ABLIM3: variants seen among roughly 807,000 people sequenced by gnomAD.
The protein encoded by ABLIM3 is actin binding LIM protein family member 3, also known as actin-binding LIM protein 3.
In ABLIM3, 61 loss-of-function variants were observed where a neutral mutation model predicts 109.5. That is an observed-to-expected ratio of 0.56 (90% CI 0.45 to 0.69). ABLIM3 has a LOEUF of 0.69. Ranked by LOEUF, ABLIM3 falls within the 30% of genes least tolerant of loss-of-function variation. ABLIM3 has a pLI of 0.00. For synonymous variants in ABLIM3, 300 were observed against 324.8 expected, an observed-to-expected ratio of 0.92 and a Z score of 0.82; for missense variants, 796 against 889.5, an observed-to-expected ratio of 0.89 and a Z score of 1.34.
Position 149,198,207 on chromosome 5 carries a change from T to A in ABLIM3, c.152-12T>A. 6.2e-7 allele frequency: 1 copy of A among 1,605,550 alleles called. No individual in the cohort carries two copies. Among genetic ancestry groups the A allele is most frequent in the Non-Finnish European group, 8.5e-7 (1 of 1,175,824 alleles). ...ACTCAACCTGCCCTTGTTTTCCTCC[T>A]TGTTCCCCAAGTATGTGGCTGTGGC... On this transcript the variant is annotated splice_polypyrimidine_tract_variant and intron_variant, in intron 3 of 23. Transcript: ENST00000309868. The surrounding 1 kb of genome is among the most constrained non-coding windows in gnomAD (Gnocchi z 4.2).
chr5:149,159,549 TA>T (rs1239139602), intron 2 of ABLIM3, among the ~76,000 whole-genome samples: 1 of 152,218 alleles, frequency 6.6e-6, no homozygotes, highest in Non-Finnish European at 1.5e-5. Context: ...TGTATCCCCT[TA>T]AACAGAGTAT....
Position 149,210,763 on chromosome 5 carries a change from C to T in ABLIM3, c.613C>T (p.Gln205Ter). 1 of 1,614,098 alleles carries T rather than the reference C, an allele frequency of 6.2e-7. No homozygotes were observed. The highest frequency in any genetic ancestry group is 1.1e-5 in the South Asian group (1 of 91,078). The change falls in exon 7 of 24, where the codon CAG (glutamine) becomes TAG (stop). Residue 205 changes from glutamine to a stop codon, truncating the protein, a stop_gained. Transcript: ENST00000309868. LOFTEE classifies it high-confidence loss of function. Reference sequence around the variant, plus strand: ...ATACTGTGAGTCCGACTACCATGCCCAGTTTGGCATTAAATGTGAGACTTG... The same window carrying T: ...ATACTGTGAGTCCGACTACCATGCCTAGTTTGGCATTAAATGTGAGACTTG... ...VPYCESDYHA[Q>*]FGIKCETCDR... is the part of the protein sequence containing the mutation.
chr5:149,236,130 C>A (rs1164410246), intron 10 of ABLIM3, among the ~76,000 whole-genome samples: 1 of 152,134 alleles, frequency 6.6e-6, no homozygotes, highest in Non-Finnish European at 1.5e-5. Context: ...AGCAAAAGAG[C>A]CTGTGATACA....
At chr5:149,236,673 T>C (rs144962193) in intron 10 of ABLIM3, among the ~76,000 whole-genome samples, 105 of 152,274 alleles carry the variant, frequency 6.9e-4, no homozygotes, top group Middle Eastern at 3.4e-3. Context: ...AGCAGCTTTC[T>C]GAATGCAGCC....
intron 10 of ABLIM3, 134 bp downstream of exon 10, chr5:149,233,434 C>T: frequency 1.1e-6 from 1 of 922,958 alleles, no homozygotes; most frequent in Non-Finnish European, 1.7e-6. Context: ...GTGCTAGGCT[C>T]TGTACCAGGT....
intron 8 of ABLIM3, among the ~76,000 whole-genome samples, chr5:149,225,559 T>C (rs2127537930): frequency 6.6e-6 from 1 of 152,324 alleles, no homozygotes; most frequent in East Asian, 1.9e-4. Context: ...ATGAAGATTT[T>C]TTAAAAAAAT....
chr5:149,165,022 G>A (rs1023094830), intron 2 of ABLIM3, among the ~76,000 whole-genome samples: 14 of 152,134 alleles, frequency 9.2e-5, no homozygotes, highest in Non-Finnish European at 1.9e-4. Flanking sequence ...TTTGTTGGAG[G>A]ACACATTTCA....
chr5:149,237,299 A>G (rs1288636723), intron 10 of ABLIM3, 149 bp from the exon 11 acceptor site: 1 of 817,056 alleles, frequency 1.2e-6, no homozygotes, highest in African/African-American at 1.7e-5. Flanking sequence ...TTATTCTAAC[A>G]TTCTACTATT....
At chr5:149,179,911 G>A (rs1018718649) in intron 2 of ABLIM3, among the ~76,000 whole-genome samples, 1 of 152,312 alleles carries the variant, frequency 6.6e-6, no homozygotes, top group African/African-American at 2.4e-5. Flanking sequence ...ATCTCAGAAC[G>A]TTCTAGTGGA....
At chr5:149,254,089 C>A (rs1235631202) in intron 23 of ABLIM3, among the ~76,000 whole-genome samples, 1 of 152,084 alleles carries the variant, frequency 6.6e-6, no homozygotes, top group South Asian at 2.1e-4. Context: ...GGGAAACTGC[C>A]CCCAAGATTC....
intron 17 of ABLIM3, 122 bp from the exon 18 acceptor site, chr5:149,247,660 G>T: frequency 7.7e-7 from 1 of 1,293,730 alleles, no homozygotes; most frequent in Non-Finnish European, 1.1e-6. Flanking sequence ...AGGGACGCTG[G>T]GAAGGCAAAC....
chr5:149,255,937 C>A (rs909266333), intron 23 of ABLIM3, among the ~76,000 whole-genome samples: 16 of 152,176 alleles, frequency 1.1e-4, no homozygotes, highest in African/African-American at 2.7e-4. Flanking sequence ...ATGGTGGAGA[C>A]ACTAGGATGC....
intron 7 of ABLIM3, among the ~76,000 whole-genome samples, chr5:149,213,796 G>A (rs938585666): frequency 2.0e-5 from 3 of 150,042 alleles, no homozygotes; most frequent in Non-Finnish European, 4.4e-5. Flanking sequence ...GGCTCCATTA[G>A]CATCTTCGAC....
At chr5:149,162,465 A>T (rs551444764) in intron 2 of ABLIM3, among the ~76,000 whole-genome samples, 2 of 152,322 alleles carry the variant, frequency 1.3e-5, no homozygotes, top group Admixed American at 1.3e-4. Flanking sequence ...CAACTAAATG[A>T]TGATCAAAAG....
chr5:149,237,532 G>A lies in ABLIM3; in HGVS notation c.973G>A (p.Asp325Asn), dbSNP rs779374635. The A allele has an allele frequency of 3.0e-5, 48 of 1,614,112 alleles. No individual in the cohort carries two copies. The highest frequency in any genetic ancestry group is 2.5e-4 in the South Asian group (23 of 91,076). The change falls in exon 11 of 24, where the codon GAC (aspartate) becomes AAC (asparagine). Residue 325 changes from aspartate to asparagine, a missense_variant. Coordinates refer to ENST00000309868, the MANE Select transcript of ABLIM3 (RefSeq NM_014945.5). ...GTCTATCTACGAGGTACAACGCCCCGACCTCATTTCCTATGAGCCTCATTC... is the reference window on the plus strand; with the variant it reads ...GTCTATCTACGAGGTACAACGCCCCAACCTCATTTCCTATGAGCCTCATTC... The part of the protein sequence containing the change: ...VKSIYEVQRP[D>N]LISYEPHSRY...
chr5:149,233,250 T>C lies in ABLIM3; in HGVS notation c.838T>C (p.Ser280Pro), dbSNP rs1449115415. 7 of 1,614,058 alleles carry C rather than the reference T, an allele frequency of 4.3e-6. No individual in the cohort carries two copies. In the Admixed American group the frequency reaches 6.7e-5, roughly 15 times the overall value. Residue 280 changes from serine (S) to proline (P), a missense_variant, in exon 10 of 24, where the codon TCC becomes CCC. Ser to Pro is a moderately conservative substitution (Grantham distance 74, BLOSUM62 -1). Coordinates refer to ENST00000309868, the MANE Select transcript of ABLIM3 (RefSeq NM_014945.5). ...KLKHRRTSET[S>P]ISPPGSSIGS... ...ACAGCATAGACGGACATCTGAAACC[T>C]CCATCTCACCCCCTGGATCCAGCAT... is the stretch of plus-strand genomic sequence containing the variant.
chr5:149,229,895 G>A (rs570104752), intron 8 of ABLIM3, among the ~76,000 whole-genome samples: 2 of 152,310 alleles, frequency 1.3e-5, no homozygotes, highest in African/African-American at 4.8e-5. Context: ...ACAATAAAAT[G>A]TGGGCGTTAG....
rs544200220 is a variant in ABLIM3 at position 149,227,821 on chromosome 5, G to A, written c.758-2828G>A. On this transcript the variant is annotated intron_variant, in intron 8 of 23. Coordinates refer to ENST00000309868, the MANE Select transcript of ABLIM3 (RefSeq NM_014945.5). ...TGGGCCCAAGTTAGAGAAGCCAACT[G>A]CCTAAGATAGAATGCCATGTTTCTT... 2.7e-3 allele frequency among the ~76,000 whole-genome samples: 405 copies of A among 152,366 alleles called. 2 individuals are homozygous for A. The highest frequency in any genetic ancestry group is 8.8e-3 in the African/African-American group (366 of 41,584).
intron 2 of ABLIM3, among the ~76,000 whole-genome samples, chr5:149,164,807 T>C (rs556817370): frequency 6.6e-6 from 1 of 152,330 alleles, no homozygotes; most frequent in East Asian, 1.9e-4. Context: ...GTAGGATTTT[T>C]ATATTTATAT....
Sources: allele counts gnomAD v4.1 joint callset (sites outside exome capture counted in the v4.1 genomes callset), GRCh38; gene constraint gnomAD v4.1.1; non-coding constraint Gnocchi (gnomAD v3.1); transcripts MANE v1.5; gene names NCBI Gene and HGNC (gene_info 2026-07-23, HGNC 2026-07-21).